The following APPL2 variants were observed in gnomAD, a reference collection of about 807,000 sequenced individuals.
The protein encoded by APPL2 is adaptor protein, phosphotyrosine interacting with PH domain and leucine zipper 2.
APPL2 carries 84 observed loss-of-function variants against 92.7 expected under a neutral mutation model. The observed-to-expected ratio is 0.91, with a 90% confidence interval of 0.76 to 1.09. The LOEUF is 1.09. Among genes scored for constraint, APPL2 ranks in the 50% least tolerant of loss-of-function variants. APPL2 has a pLI of 0.00. For missense variants in APPL2, 736 were observed against 824.5 expected, an observed-to-expected ratio of 0.89 and a Z score of 1.31; for synonymous variants, 291 against 291.0, an observed-to-expected ratio of 1.00 and a Z score of 0.00.
intron 17 of APPL2, among the ~76,000 whole-genome samples, chr12:105,181,965 G>T (rs1886155886): frequency 6.6e-6 from 1 of 152,068 alleles, no homozygotes; most frequent in Non-Finnish European, 1.5e-5. Context: ...ATCTCCTTCA[G>T]TTCTGCTCTC....
intron 5 of APPL2, 141 bp from the exon 6 acceptor site, chr12:105,208,340 G>T: frequency 1.0e-6 from 1 of 993,724 alleles, no homozygotes; most frequent in Non-Finnish European, 1.5e-6. Flanking sequence ...CTCACAGGCT[G>T]GCCCAGAGGC....
At chr12:105,232,534 A>T (rs1025593697) in intron 1 of APPL2, among the ~76,000 whole-genome samples, 6 of 152,164 alleles carry the variant, frequency 3.9e-5, no homozygotes, top group African/African-American at 1.4e-4. Flanking sequence ...GGAGGCCAAG[A>T]CAGGAAGATT....
Position 105,229,184 on chromosome 12 carries a change from T to A in APPL2, c.94A>T (p.Thr32Ser). The A allele has an allele frequency of 3.7e-6, 6 of 1,613,660 alleles. No homozygotes were observed. The highest frequency in any genetic ancestry group is 5.1e-6 in the Non-Finnish European group (6 of 1,179,854). ...AGCTGGTTGGTATAGTCTGTGAGGG[T>A]GCCAGCATCTTCTTCAAACACGCTC... Reference protein sequence around the residue: ...LLSVFEEDAGTLTDYTNQLLQ... With the variant: ...LLSVFEEDAGSLTDYTNQLLQ... Residue 32 changes from threonine to serine, a missense_variant, in exon 2 of 21, where the codon ACC (threonine) becomes TCC (serine). Coordinates refer to ENST00000258530, the MANE Select transcript of APPL2 (RefSeq NM_018171.5).
At chr12:105,183,691 T>C (rs868195061) in intron 17 of APPL2, among the ~76,000 whole-genome samples, 1 of 152,216 alleles carries the variant, frequency 6.6e-6, no homozygotes, top group South Asian at 2.1e-4. Context: ...CCCTTAACAT[T>C]TTTTCCTTCA....
At chr12:105,184,212 T>G (rs896516014) in intron 17 of APPL2, among the ~76,000 whole-genome samples, 3 of 152,214 alleles carry the variant, frequency 2.0e-5, no homozygotes, top group African/African-American at 7.2e-5. Context: ...ACATGCTCCT[T>G]TAGCTTGGAG....
chr12:105,195,402 C>T (rs1887552161), intron 13 of APPL2, 43 bp downstream of exon 13: 2 of 1,614,106 alleles, frequency 1.2e-6, no homozygotes, highest in Non-Finnish European at 1.7e-6. Flanking sequence ...CGCTTACCTT[C>T]CAGGTTGAGA....
chr12:105,189,879 T>TTC, intron 15 of APPL2, 55 bp from the exon 16 acceptor site: 2 of 1,611,754 alleles, frequency 1.2e-6, no homozygotes, highest in Non-Finnish European at 1.7e-6. Context: ...GAAGGGCACT[T>TTC]AACACTTGAA....
chr12:105,227,531 C>T (rs1295730942), intron 2 of APPL2, among the ~76,000 whole-genome samples: 3 of 152,210 alleles, frequency 2.0e-5, no homozygotes, highest in Admixed American at 1.3e-4. Context: ...TGTGTTCTCC[C>T]ATGTATCCAC....
intron 9 of APPL2, among the ~76,000 whole-genome samples, chr12:105,199,764 C>A (rs1353246136): frequency 6.6e-6 from 1 of 152,076 alleles, no homozygotes; most frequent in Non-Finnish European, 1.5e-5. Flanking sequence ...AAAACAGAAC[C>A]TAAGGAATGC....
At chr12:105,218,877 G>T (rs2136052694) in intron 2 of APPL2, among the ~76,000 whole-genome samples, 1 of 152,332 alleles carries the variant, frequency 6.6e-6, no homozygotes, top group East Asian at 1.9e-4. Flanking sequence ...CCTGTTTTGT[G>T]CCATTTTCAC....
At chr12:105,209,708 T>C (rs927125652) in intron 5 of APPL2, among the ~76,000 whole-genome samples, 1 of 152,226 alleles carries the variant, frequency 6.6e-6, no homozygotes, top group Admixed American at 6.5e-5. Context: ...CATCAGCAGA[T>C]GACTGAGGCA....
At chr12:105,196,425 CTTTTTTTTTT>C (rs59820038) in intron 11 of APPL2, among the ~76,000 whole-genome samples, 8 of 83,866 alleles carry the variant, frequency 9.5e-5, no homozygotes, top group East Asian at 9.6e-4. Context: ...GGCGTTAACT[CTTTTTTTTTT>C]TTTTTTTTTT....
At chr12:105,231,848 C>T (rs575877352) in intron 1 of APPL2, among the ~76,000 whole-genome samples, 1 of 152,314 alleles carries the variant, frequency 6.6e-6, no homozygotes, top group East Asian at 1.9e-4. Flanking sequence ...AAAAATATAA[C>T]CAGCTACCTT....
chr12:105,206,958 TTA>T (rs1240976395), intron 8 of APPL2, 101 bp downstream of exon 8: 3 of 1,414,208 alleles, frequency 2.1e-6, no homozygotes, highest in East Asian at 2.4e-5. Context: ...GATTGTGCAT[TTA>T]TGTTTCTTTC....
intron 3 of APPL2, 113 bp downstream of exon 3, chr12:105,217,553 A>T (rs1254319270): frequency 9.6e-7 from 1 of 1,042,162 alleles, no homozygotes; most frequent in Non-Finnish European, 1.4e-6. Flanking sequence ...GGACAAAAAA[A>T]CTATGAAGAA....
intron 20 of APPL2, among the ~76,000 whole-genome samples, chr12:105,174,876 T>TGC (rs1885353652): frequency 1.1e-5 from 1 of 89,022 alleles, no homozygotes; most frequent in African/African-American, 4.7e-5. Flanking sequence ...TTTTTTTTGG[T>TGC]GGGGGGGGGG....
chr12:105,219,528 A>G (rs1482213012), intron 2 of APPL2, among the ~76,000 whole-genome samples: 1 of 152,246 alleles, frequency 6.6e-6, no homozygotes, highest in Non-Finnish European at 1.5e-5. Context: ...AATTCTTAGC[A>G]CACAGCAAGC....
chr12:105,176,757 C>T (rs566543630), intron 19 of APPL2, 119 bp downstream of exon 19: 4 of 1,335,078 alleles, frequency 3.0e-6, no homozygotes, highest in Admixed American at 2.2e-5. Flanking sequence ...TATCTGAACT[C>T]CTGGATGGAG....
In APPL2 at chr12:105,212,118, CAAAAAAAAAA is replaced by C. The variant is rs5800657; in HGVS notation, c.286-811_286-802del. On this transcript the variant is annotated intron_variant, in intron 4 of 20. Transcript: ENST00000258530. Reference sequence around the variant, plus strand: ...TGGGTGACAGAGCGAGACTCCATCTCAAAAAAAAAAAAAAAAAAAAAGAATACTTCCTACC... The same window carrying C: ...TGGGTGACAGAGCGAGACTCCATCTCAAAAAAAAAAAGAATACTTCCTACC... Among the ~76,000 whole-genome samples, 215 of 72,416 alleles carry C rather than the reference CAAAAAAAAAA, an allele frequency of 3.0e-3. 1 individual carries two copies. The highest frequency in any genetic ancestry group is 0.011 in the African/African-American group (201 of 17,814). 47.5% of individuals were successfully genotyped at this position (72,416 alleles called of 152,430 possible). A position where few individuals can be genotyped will look rare whatever the true frequency, so the allele number is the denominator to read the frequency against.
Sources: gnomAD v4.1 joint callset for allele counts (sites outside exome capture counted in the v4.1 genomes callset) on GRCh38, gnomAD v4.1.1 for gene constraint, MANE v1.5 for transcripts, NCBI Gene and HGNC (gene_info 2026-07-23, HGNC 2026-07-21) for gene names.